The following UBE3B variants were observed in gnomAD, a reference collection of about 807,000 sequenced individuals.
UBE3B encodes ubiquitin protein ligase E3B.
Under a neutral mutation model 132.3 loss-of-function variants are expected in UBE3B, and 80 were observed. The observed-to-expected ratio is 0.60, with a 90% CI of 0.50 to 0.73. The LOEUF is 0.73. UBE3B is among the 30% of genes least tolerant of loss of function. UBE3B has a pLI of 0.00. For synonymous variants in UBE3B, 487 were observed against 520.4 expected (o/e 0.94, Z 0.87); for missense variants, 1,196 against 1,362.5 (o/e 0.88, Z 1.92).
At chr12:109,508,375 T>C (rs982239202) in intron 15 of UBE3B, 11 of 288,142 alleles carry the variant, frequency 3.8e-5, no homozygotes, top group African/African-American at 2.0e-4. Context: ...ACCAGTTCAA[T>C]AGAGGGTAAG....
chr12:109,479,916 C>T lies in UBE3B; in HGVS notation c.-127-1721C>T, dbSNP rs1875068952. Among the ~76,000 whole-genome samples the T allele has an allele frequency of 2.0e-5, 3 of 152,118 alleles. 1 individual carries two copies. The South Asian group carries it at 6.2e-4, about 32-fold the overall frequency. On this transcript the variant is annotated intron_variant, in intron 1 of 27. Transcript: ENST00000342494. The stretch of plus-strand genomic sequence containing the variant: ...TCTTCCCCTTCTAATTCCATGGACC[C>T]TCTGCCATTGAGGCACTGTCTGCAT...
Position 109,510,409 on chromosome 12 carries a change from G to A in UBE3B, c.1807G>A (p.Glu603Lys), listed in dbSNP as rs1032357677. ...SVHGWLMVLY[E>K]RDCRRRFTPE... is the part of the protein sequence containing the mutation. Reference sequence around the variant, plus strand: ...CCACGGGTGGCTTATGGTGCTGTACGAGCGGGACTGCCGGCGGCGCTTCAC... The same window carrying A: ...CCACGGGTGGCTTATGGTGCTGTACAAGCGGGACTGCCGGCGGCGCTTCAC... Residue 603 changes from glutamate (E) to lysine (K), a missense_variant, in exon 17 of 28, where the codon GAG (glutamate) becomes AAG (lysine). By Grantham distance (56) the Glu-to-Lys change is moderately conservative. Coordinates refer to ENST00000342494, the MANE Select transcript of UBE3B (RefSeq NM_130466.4). 3.7e-6 allele frequency: 6 copies of A among 1,613,240 alleles called. No homozygotes were observed. The highest frequency in any genetic ancestry group is 3.4e-6 in the Non-Finnish European group (4 of 1,179,700).
At chr12:109,531,860 C>G (rs910657046) in intron 26 of UBE3B, among the ~76,000 whole-genome samples, 3 of 152,110 alleles carry the variant, frequency 2.0e-5, no homozygotes, top group African/African-American at 7.2e-5. Context: ...AGTGTCTCAT[C>G]ATTGTGCAGG....
chr12:109,513,184 C>T (rs1272741384), intron 18 of UBE3B, among the ~76,000 whole-genome samples: 1 of 152,146 alleles, frequency 6.6e-6, no homozygotes, highest in Admixed American at 6.5e-5. Flanking sequence ...GTTTAAAATG[C>T]AGCCCCTCCT....
At chr12:109,506,347 GT>G (rs903646375) in intron 14 of UBE3B, among the ~76,000 whole-genome samples, 23 of 152,238 alleles carry the variant, frequency 1.5e-4, no homozygotes, top group African/African-American at 5.3e-4. Flanking sequence ...TTTTGTTTTT[GT>G]TTTTGTTTTT....
At chr12:109,518,081 T>C in intron 19 of UBE3B, 1 of 297,064 alleles carries the variant, frequency 3.4e-6, no homozygotes, top group Non-Finnish European at 7.1e-6. Flanking sequence ...GCTGGCTGAG[T>C]GGGTCTCATT....
At chr12:109,533,654 C>A in intron 27 of UBE3B, 96 bp downstream of exon 27, 1 of 1,224,742 alleles carries the variant, frequency 8.2e-7, no homozygotes, top group African/African-American at 1.5e-5. Flanking sequence ...GTCCATATCT[C>A]AGCAAGGCAG....
Position 109,507,559 on chromosome 12 carries a change from TCCAGG to T in UBE3B, c.1451-4_1451del. Reference sequence around the variant, plus strand: ...GAAGCTTGGGTTTCTCTGTGTTTTTTCCAGGTCTCACTTACCTTGATGACCTGCTT... The same window carrying T: ...GAAGCTTGGGTTTCTCTGTGTTTTTTTCTCACTTACCTTGATGACCTGCTT... On this transcript the variant is annotated splice_acceptor_variant and splice_polypyrimidine_tract_variant and coding_sequence_variant and intron_variant, in exon 15 of 28. Transcript: ENST00000342494. LOFTEE classifies it high-confidence loss of function. 6.2e-7 allele frequency: 1 copy of T among 1,610,428 alleles called. No individual in the cohort carries two copies. The highest frequency in any genetic ancestry group is 1.3e-5 in the African/African-American group (1 of 74,842).
At chr12:109,491,006 T>C (rs1877381731) in intron 8 of UBE3B, 39 bp from the exon 9 acceptor site, 1 of 1,596,182 alleles carries the variant, frequency 6.3e-7, no homozygotes, top group South Asian at 1.1e-5. Flanking sequence ...GAATATAAAG[T>C]TGATATCATC....
At chr12:109,511,331 A>T (rs774801610) in intron 18 of UBE3B, 28 bp downstream of exon 18, 5 of 1,605,030 alleles carry the variant, frequency 3.1e-6, no homozygotes, top group Admixed American at 1.7e-5. Context: ...CTGGGCCCCG[A>T]TGTGTCTTTC....
At chr12:109,529,387 C>T (rs1303938981) in intron 24 of UBE3B, among the ~76,000 whole-genome samples, 3 of 152,152 alleles carry the variant, frequency 2.0e-5, no homozygotes, top group South Asian at 4.1e-4. Flanking sequence ...ATCTGCAGGT[C>T]CGCCTTGCCA....
chr12:109,500,200 A>C (rs937966758), intron 12 of UBE3B, among the ~76,000 whole-genome samples: 1 of 152,244 alleles, frequency 6.6e-6, no homozygotes, highest in African/African-American at 2.4e-5. Flanking sequence ...TTCAAAGGGA[A>C]TAGAAATCAC....
the UBE3B span, among the ~76,000 whole-genome samples, chr12:109,546,858 C>T: frequency 2.4e-3 from 372 of 152,020 alleles, 1 homozygote; most frequent in African/African-American, 8.7e-3. Context: ...TACAGGTGCA[C>T]GCCACCACAC....
At chr12:109,509,362 G>A (rs191032230) in intron 15 of UBE3B, 22 of 312,474 alleles carry the variant, frequency 7.0e-5, no homozygotes, top group Non-Finnish European at 8.8e-5. Flanking sequence ...CTGTCACCCC[G>A]TCATCTAGGT....
At chr12:109,527,180 G>C (rs1882439199) in intron 24 of UBE3B, among the ~76,000 whole-genome samples, 1 of 152,202 alleles carries the variant, frequency 6.6e-6, no homozygotes, top group Non-Finnish European at 1.5e-5. Flanking sequence ...TTAGACATGG[G>C]AATTGGAGAG....
chr12:109,479,533 C>G (rs1383298827), intron 1 of UBE3B, among the ~76,000 whole-genome samples: 1 of 152,216 alleles, frequency 6.6e-6, no homozygotes, highest in Non-Finnish European at 1.5e-5. Context: ...TTCTCTGATG[C>G]AAGACTTTTT....
At chr12:109,508,712 G>C in intron 15 of UBE3B, 1 of 985,544 alleles carries the variant, frequency 1.0e-6, no homozygotes, top group African/African-American at 1.7e-5. Context: ...CTTAATCACT[G>C]GATGGGGGTA....
intron 4 of UBE3B, among the ~76,000 whole-genome samples, chr12:109,485,621 A>G (rs539628070): frequency 6.6e-6 from 1 of 152,334 alleles, no homozygotes; most frequent in African/African-American, 2.4e-5. Flanking sequence ...ACTGGCTGTG[A>G]GGCAAAAGTC....
intron 12 of UBE3B, among the ~76,000 whole-genome samples, chr12:109,500,273 A>C (rs762569322): frequency 3.9e-5 from 6 of 152,258 alleles, no homozygotes; most frequent in Non-Finnish European, 8.8e-5. Context: ...ACTTAAAAAC[A>C]TGAGAAACAC....
Sources: gnomAD v4.1 joint callset for allele counts (sites outside exome capture counted in the v4.1 genomes callset) on GRCh38, gnomAD v4.1.1 for gene constraint, MANE v1.5 for transcripts, NCBI Gene and HGNC (gene_info 2026-07-23, HGNC 2026-07-21) for gene names.